The following DDX3X variants were observed in gnomAD, a reference collection of about 807,000 sequenced individuals.
The protein encoded by DDX3X is DEAD-box helicase 3 X-linked, also known as ATP-dependent RNA helicase DDX3X.
Under a neutral mutation model 52.7 loss-of-function variants are expected in DDX3X, and 4 were observed. The ratio of observed to expected loss-of-function variants is 0.08; its 90% CI spans 0.04 to 0.17. The LOEUF is 0.17. Ranked by LOEUF, DDX3X falls within the 10% of genes least tolerant of loss-of-function variation. DDX3X has a pLI of 1.00. For synonymous variants in DDX3X, 192 were observed against 178.1 expected, an observed-to-expected ratio of 1.08 and a Z score of -0.62; for missense variants, 222 against 548.6, an observed-to-expected ratio of 0.40 and a Z score of 5.95.
At chrX:41,342,956 AAGG>A (rs1262091639) in intron 6 of DDX3X, 120 bp downstream of exon 6, 5 of 645,121 alleles carry the variant, frequency 7.8e-6, no homozygotes, top group Non-Finnish European at 1.2e-5. Flanking sequence ...ATTTGTGGAA[AAGG>A]AGAAGTTGAG....
At position 41,346,423 on chromosome X, in the gene DDX3X, ATCTT is replaced by A; in HGVS notation, c.1497+19_1497+22del. ...AGTGGCTACAGCAGTATGTATAAAC[ATCTT>A]TCTTTTATTCAAATTGAGCATGTTC... is the stretch of plus-strand genomic sequence containing the variant. On this transcript the variant is annotated intron_variant, in intron 13 of 16. Transcript: ENST00000644876. The A allele has an allele frequency of 8.3e-7, 1 of 1,204,656 alleles. No individual in the cohort carries two copies. The highest frequency in any genetic ancestry group is 1.1e-6 in the Non-Finnish European group (1 of 891,315).
chrX:41,360,821 G>C (rs996791457), intron 5 of DDX3X, among the ~76,000 whole-genome samples: 9 of 109,666 alleles, frequency 8.2e-5, no homozygotes, highest in Middle Eastern at 4.2e-3. Context: ...ATCTATTCAT[G>C]CATCATCTAT....
chrX:41,358,748 C>T (rs1039779379), intron 5 of DDX3X, among the ~76,000 whole-genome samples: 2 of 110,486 alleles, frequency 1.8e-5, no homozygotes, highest in East Asian at 2.8e-4. Flanking sequence ...CTTTATTGTG[C>T]GGGGATTTTT....
downstream of DDX3X, among the ~76,000 whole-genome samples, chrX:41,352,607 GATTA>G (rs1326649813): frequency 2.7e-5 from 3 of 111,187 alleles, no homozygotes; most frequent in African/African-American, 6.5e-5. Flanking sequence ...GAGATGTAGT[GATTA>G]ATTTAGATTA....
intron 6 of DDX3X, 64 bp from the exon 7 acceptor site, chrX:41,343,152 A>C: frequency 8.9e-7 from 1 of 1,124,411 alleles, no homozygotes; most frequent in African/African-American, 1.8e-5. Context: ...GGTTGTTTCC[A>C]TTATTAGTAT....
At chrX:41,341,776 T>G (rs1024927083) in intron 4 of DDX3X, 160 bp downstream of exon 4, 12 of 434,861 alleles carry the variant, frequency 2.8e-5, no homozygotes, top group African/African-American at 5.0e-5. Context: ...ACTTAGAAAT[T>G]AGATGAAAAT....
downstream of DDX3X, among the ~76,000 whole-genome samples, chrX:41,353,121 C>A (rs751845208): frequency 9.1e-6 from 1 of 110,363 alleles, no homozygotes; most frequent in African/African-American, 3.3e-5. Context: ...TTTTTGCTCA[C>A]CATGTTCCTT....
At chrX:41,341,264 C>T (rs2063846351) in intron 3 of DDX3X, 3 of 319,832 alleles carry the variant, frequency 9.4e-6, no homozygotes, top group Non-Finnish European at 1.6e-5. Flanking sequence ...GGATTACAGG[C>T]GTGAGCCACC....
intron 6 of DDX3X, 181 bp from the exon 7 acceptor site, chrX:41,343,035 C>G (rs1290839003): frequency 5.0e-6 from 3 of 604,267 alleles, no homozygotes; most frequent in Non-Finnish European, 5.1e-6. Context: ...TAGGAACAAC[C>G]CAAAGTCTTC....
chrX:41,356,844 G>A (rs4827270), intron 5 of DDX3X, among the ~76,000 whole-genome samples: 22,394 of 107,530 alleles, frequency 0.21, 2,176 homozygotes, highest in East Asian at 0.45. Flanking sequence ...CTGTCCTTTT[G>A]TGAATCTATT....
chrX:41,353,297 CA>C (rs61067509), downstream of DDX3X, among the ~76,000 whole-genome samples: 4,896 of 45,980 alleles, frequency 0.11, 157 homozygotes, highest in East Asian at 0.31. Flanking sequence ...ACTAAAAATA[CA>C]AAAAAAAAAA....
rs767213254 is a variant in DDX3X, at chrX:41,334,739, C to T, written c.45+442C>T. On this transcript the variant is annotated intron_variant, in intron 1 of 16. Coordinates refer to ENST00000644876, the MANE Select transcript of DDX3X (RefSeq NM_001356.5). ...GATTCCCGTCCGGAGGACCTGGCGG[C>T]ACCCGGTGTTTGCGTGCCTGCGAGC... 1.7e-3 allele frequency: 1,702 copies of T among 977,115 alleles called. 2 individuals are homozygous for T. Among genetic ancestry groups the T allele is most frequent in the Admixed American group, 2.2e-3 (69 of 32,085 alleles). 80.5% of individuals were successfully genotyped at this position (977,115 alleles called of 1,213,427 possible).
In DDX3X at chrX:41,334,167, C is replaced by G; in HGVS notation, c.-86C>G. 9.9e-7 allele frequency: 1 copy of G among 1,007,256 alleles called. No individual in the cohort carries two copies. Among genetic ancestry groups the G allele is most frequent in the Non-Finnish European group, 1.4e-6 (1 of 725,062 alleles). 83.0% of individuals were successfully genotyped at this position (1,007,256 alleles called of 1,213,427 possible). A position where few individuals can be genotyped will look rare whatever the true frequency, so the allele number is the denominator to read the frequency against. On this transcript the variant is annotated 5_prime_UTR_variant, in exon 1 of 17. Coordinates refer to ENST00000644876, the MANE Select transcript of DDX3X (RefSeq NM_001356.5). ...GTGGCCGCGCGGTGCGCTCCAGAGC[C>G]GCAGTTCTCCCGTGAGAGGGCCTTC...
chrX:41,334,149 C>G (rs930120139), upstream of DDX3X: 3 of 853,648 alleles, frequency 3.5e-6, no homozygotes, highest in Non-Finnish European at 3.4e-6. Context: ...TCCGTGGCCG[C>G]GCGGTGCGCT....
chrX:41,359,016 A>C (rs1171827915), intron 5 of DDX3X, among the ~76,000 whole-genome samples: 1 of 112,284 alleles, frequency 8.9e-6, no homozygotes, highest in Non-Finnish European at 1.9e-5. Context: ...TTGGCCTTCC[A>C]AAGTGCTAGG....
intron 4 of DDX3X, chrX:41,342,026 C>T (rs1428700864): frequency 1.3e-5 from 2 of 150,071 alleles, no homozygotes; most frequent in Non-Finnish European, 2.6e-5. Context: ...GCCTAAAACT[C>T]TTAAAAACAT....
rs1434449483 is a variant in DDX3X at position 41,345,561 on chromosome X, A to AT, written c.1315+19dup. 2 of 1,181,412 alleles carry AT rather than the reference A, an allele frequency of 1.7e-6. No individual in the cohort carries two copies. The highest frequency in any genetic ancestry group is 3.0e-5 in the East Asian group (1 of 33,610). ...CTAAATGCAACAGGTAACATTATGA[A>AT]TTTTTTATTTTATTAGACATGGGGG... On this transcript the variant is annotated intron_variant, in intron 12 of 16. Coordinates refer to ENST00000644876, the MANE Select transcript of DDX3X (RefSeq NM_001356.5).
downstream of DDX3X, chrX:41,351,511 T>C (rs1045867514): frequency 8.1e-5 from 9 of 111,431 alleles, no homozygotes; most frequent in African/African-American, 2.9e-4. Flanking sequence ...GCTTGCTCTT[T>C]AGAGCACAGT....
At chrX:41,341,229 C>T (rs1051489757) in intron 3 of DDX3X, 4 of 256,980 alleles carry the variant, frequency 1.6e-5, no homozygotes, top group African/African-American at 8.4e-5. Context: ...AGGTGACCTG[C>T]CCGCCTTGGC....
Sources: allele counts gnomAD v4.1 joint callset (sites outside exome capture counted in the v4.1 genomes callset), GRCh38; gene constraint gnomAD v4.1.1; transcripts MANE v1.5; gene names NCBI Gene and HGNC (gene_info 2026-07-23, HGNC 2026-07-21).